Variants in UGT8 observed in about 807,000 individuals in gnomAD.
UGT8 encodes UDP glycosyltransferase 8, also known as 2-hydroxyacylsphingosine 1-beta-galactosyltransferase.
UGT8 carries 12 observed loss-of-function variants against 40.5 expected under a neutral mutation model. The observed-to-expected ratio is 0.30, with a 90% CI of 0.19 to 0.48. The LOEUF is 0.48. UGT8 is among the 20% of genes least tolerant of loss of function. The pLI is 0.99. For missense variants in UGT8, 513 were observed against 648.7 expected (o/e 0.79, Z 2.27); for synonymous variants, 224 against 240.4 (o/e 0.93, Z 0.63).
intron 2 of UGT8, among the ~76,000 whole-genome samples, chr4:114,630,931 C>T (rs1732531956): frequency 6.6e-6 from 1 of 152,066 alleles, no homozygotes; most frequent in South Asian, 2.1e-4. Flanking sequence ...CTGTGATTCT[C>T]ATTTTTGAGG....
At chr4:114,630,996 A>G (rs1732536539) in intron 2 of UGT8, among the ~76,000 whole-genome samples, 1 of 152,156 alleles carries the variant, frequency 6.6e-6, no homozygotes, top group Non-Finnish European at 1.5e-5. Flanking sequence ...CTAGCCCAGC[A>G]TTGTACTGAA....
At chr4:114,613,441 G>GTACTTAT (rs1731209528) in intron 1 of UGT8, among the ~76,000 whole-genome samples, 5 of 152,080 alleles carry the variant, frequency 3.3e-5, no homozygotes, top group African/African-American at 1.2e-4. Flanking sequence ...ACTACTATAT[G>GTACTTAT]TGTTTACTAC....
chr4:114,611,457 C>G (rs4421005), intron 1 of UGT8, among the ~76,000 whole-genome samples: 27,081 of 113,764 alleles, frequency 0.24, 3,834 homozygotes, highest in African/African-American at 0.29. Context: ...CACACACACA[C>G]AGAGATATTA....
intron 2 of UGT8, among the ~76,000 whole-genome samples, chr4:114,655,399 A>G (rs572934860): frequency 6.6e-6 from 1 of 152,022 alleles, no homozygotes; most frequent in Non-Finnish European, 1.5e-5. Context: ...TTTGAAACAA[A>G]GATTATTGGT....
rs1333945404 is a variant in UGT8 at position 114,635,844 on chromosome 4, A to G, written c.822+12142A>G. On this transcript the variant is annotated intron_variant, in intron 2 of 5. Coordinates refer to ENST00000310836, the MANE Select transcript of UGT8 (RefSeq NM_001128174.3). ...ATCAGTTTCCTGTTATGAAGACAGAAAAGTCTCCATTGTTTCCAATTTTTA... is the reference window on the plus strand; with the variant it reads ...ATCAGTTTCCTGTTATGAAGACAGAGAAGTCTCCATTGTTTCCAATTTTTA... 2.0e-5 allele frequency among the ~76,000 whole-genome samples: 3 copies of G among 152,210 alleles called. No individual in the cohort carries two copies. The East Asian group carries it at 5.8e-4, about 29-fold the overall frequency.
In UGT8 at chr4:114,677,749, A is replaced by G. The variant is rs1437584130; in HGVS notation, c.*1461A>G. On this transcript the variant is annotated 3_prime_UTR_variant, in exon 6 of 6. Transcript: ENST00000310836. ...ATTTGTTTCTAGTTTGAAATCCCAC[A>G]TCTGATAGCTGAGAGTAGGCAAATA... 1.3e-5 allele frequency: 2 copies of G among 152,204 alleles called. No individual in the cohort carries two copies. Among genetic ancestry groups the G allele is most frequent in the East Asian group, 3.8e-4 (2 of 5,202 alleles). The allele number at this position is 152,204 out of a possible 1,614,324, so 9.4% of individuals were successfully genotyped here. A position where few individuals can be genotyped will look rare whatever the true frequency, so the allele number is the denominator to read the frequency against.
chr4:114,630,153 A>C (rs76500849), intron 2 of UGT8, among the ~76,000 whole-genome samples: 1 of 152,196 alleles, frequency 6.6e-6, no homozygotes, highest in Non-Finnish European at 1.5e-5. Context: ...GCTTGTGACA[A>C]ATCAGTGGCA....
chr4:114,666,558 A>G (rs1734894890), intron 4 of UGT8, among the ~76,000 whole-genome samples: 1 of 152,072 alleles, frequency 6.6e-6, no homozygotes, highest in Non-Finnish European at 1.5e-5. Flanking sequence ...TTTATTTTTA[A>G]ATCTTTTATG....
chr4:114,636,440 T>C (rs751073875), intron 2 of UGT8, among the ~76,000 whole-genome samples: 39 of 152,234 alleles, frequency 2.6e-4, no homozygotes, highest in Non-Finnish European at 5.4e-4. Flanking sequence ...CCCAGTGGAG[T>C]TGATACAATA....
intron 1 of UGT8, chr4:114,619,467 A>C (rs1017190064): frequency 6.6e-6 from 1 of 152,140 alleles, no homozygotes; most frequent in African/African-American, 2.4e-5. Flanking sequence ...TGAATACATA[A>C]AAGGAAAAGT....
At chr4:114,652,417 C>A in intron 2 of UGT8, among the ~76,000 whole-genome samples, 1 of 149,540 alleles carries the variant, frequency 6.7e-6, no homozygotes, top group Non-Finnish European at 1.5e-5. Context: ...TTTTAAGTAA[C>A]TAGTGTAGAG....
At chr4:114,647,427 G>A (rs968479573) in intron 2 of UGT8, among the ~76,000 whole-genome samples, 6 of 150,036 alleles carry the variant, frequency 4.0e-5, no homozygotes, top group African/African-American at 9.8e-5. Flanking sequence ...GTGCAGTGGC[G>A]CTATCTCAGC....
intron 2 of UGT8, among the ~76,000 whole-genome samples, chr4:114,648,904 G>A (rs1390115783): frequency 6.6e-6 from 1 of 152,150 alleles, no homozygotes; most frequent in Non-Finnish European, 1.5e-5. Context: ...ATTTCACAGA[G>A]TATAATAAGG....
At chr4:114,665,639 GT>G in intron 3 of UGT8, 40 bp from the exon 4 acceptor site, 1 of 1,538,710 alleles carries the variant, frequency 6.5e-7, no homozygotes, top group Non-Finnish European at 8.8e-7. Flanking sequence ...TATGAGTAAG[GT>G]TTGATTTTTA....
chr4:114,651,517 C>T (rs1204374909), intron 2 of UGT8, among the ~76,000 whole-genome samples: 2 of 152,234 alleles, frequency 1.3e-5, no homozygotes, highest in Admixed American at 6.5e-5. Context: ...TACACCACTT[C>T]TGCCTTCTTG....
At chr4:114,662,398 C>T (rs556039640) in intron 2 of UGT8, among the ~76,000 whole-genome samples, 1 of 152,256 alleles carries the variant, frequency 6.6e-6, no homozygotes, top group South Asian at 2.1e-4. Flanking sequence ...GATCAAAATG[C>T]AAAATTTGAA....
At chr4:114,672,896 A>G (rs1018964505) in intron 5 of UGT8, among the ~76,000 whole-genome samples, 3 of 152,200 alleles carry the variant, frequency 2.0e-5, no homozygotes, top group African/African-American at 7.2e-5. Context: ...CTTTGGATTC[A>G]TTTAATAAAG....
intron 1 of UGT8, among the ~76,000 whole-genome samples, chr4:114,601,837 T>G (rs1322237428): frequency 6.6e-6 from 1 of 152,012 alleles, no homozygotes. Flanking sequence ...ATGTTTTTTT[T>G]TTTTTTCTGG....
intron 2 of UGT8, among the ~76,000 whole-genome samples, chr4:114,646,339 T>TTA (rs557043152): frequency 8.6e-5 from 13 of 151,250 alleles, no homozygotes; most frequent in South Asian, 6.3e-4. Flanking sequence ...CAGATGAACA[T>TTA]TATATATATA....
Sources: gnomAD v4.1 joint callset for allele counts (sites outside exome capture counted in the v4.1 genomes callset) on GRCh38, gnomAD v4.1.1 for gene constraint, MANE v1.5 for transcripts, NCBI Gene and HGNC (gene_info 2026-07-23, HGNC 2026-07-21) for gene names.